PTPRD: variants seen among roughly 807,000 people sequenced by gnomAD.
The protein encoded by PTPRD is protein tyrosine phosphatase receptor type D.
PTPRD carries 34 observed loss-of-function variants against 214.5 expected under a neutral mutation model. The observed-to-expected ratio is 0.16, with a 90% CI of 0.12 to 0.21. The LOEUF is 0.21. PTPRD is among the 10% of genes least tolerant of loss of function. PTPRD has a pLI of 1.00. For missense variants in PTPRD, 2,545 were observed against 2,398.7 expected (o/e 1.06, Z -1.27); for synonymous variants, 1,128 against 845.7 (o/e 1.33, Z -5.79).
intron 12 of PTPRD, among the ~76,000 whole-genome samples, chr9:8,706,555 A>G (rs542545407): frequency 1.4e-4 from 21 of 152,216 alleles, no homozygotes; most frequent in Middle Eastern, 3.4e-3. Context: ...AGAACTTCAT[A>G]TATTTAGGAA....
intron 30 of PTPRD, among the ~76,000 whole-genome samples, chr9:8,483,496 T>C (rs2096931581): frequency 6.6e-6 from 1 of 152,216 alleles, no homozygotes; most frequent in African/African-American, 2.4e-5. Context: ...CTCATGCCTA[T>C]AATCCTAGCA....
intron 12 of PTPRD, among the ~76,000 whole-genome samples, chr9:8,715,695 C>T (rs777745104): frequency 5.3e-5 from 8 of 152,144 alleles, no homozygotes; most frequent in Non-Finnish European, 1.0e-4. Flanking sequence ...GGCCTCTTAA[C>T]AGAGAAAAAT....
intron 7 of PTPRD, among the ~76,000 whole-genome samples, chr9:9,718,006 A>C (rs542231085): frequency 1.3e-5 from 2 of 152,282 alleles, no homozygotes; most frequent in Admixed American, 1.3e-4. Context: ...AAATACCCTC[A>C]CAAAATTTCC....
intron 14 of PTPRD, among the ~76,000 whole-genome samples, chr9:8,626,098 T>C (rs369063805): frequency 2.6e-5 from 4 of 151,882 alleles, no homozygotes; most frequent in South Asian, 4.1e-4. Flanking sequence ...AAATTATGCA[T>C]GTACAACTTT....
At chr9:8,581,662 G>T (rs1489651507) in intron 14 of PTPRD, among the ~76,000 whole-genome samples, 1 of 151,990 alleles carries the variant, frequency 6.6e-6, no homozygotes, top group African/African-American at 2.4e-5. Flanking sequence ...GCAGGAGAAT[G>T]GCGTGAACCC....
chr9:8,827,977 G>C (rs2097208941), intron 11 of PTPRD, among the ~76,000 whole-genome samples: 1 of 152,028 alleles, frequency 6.6e-6, no homozygotes, highest in Non-Finnish European at 1.5e-5. Flanking sequence ...TAAACAATAA[G>C]ATAATAATAT....
chr9:8,493,099 C>A, intron 26 of PTPRD, 120 bp from the exon 27 acceptor site: 2 of 804,210 alleles, frequency 2.5e-6, no homozygotes, highest in Non-Finnish European at 4.1e-6. Context: ...CCATGCTAAG[C>A]CCTGGAAATT....
rs1182096699 is a variant in PTPRD, at chr9:9,918,732, T to C, written c.-368+19775A>G. 2.0e-5 allele frequency among the ~76,000 whole-genome samples: 3 copies of C among 152,168 alleles called. No homozygotes were observed. The East Asian group carries it at 5.8e-4, about 29-fold the overall frequency. Reference sequence around the variant, plus strand: ...AGAGACCAATAGAACCAATAGAGAATGCAGAAATTAATCCACGTATCTATA... The same window carrying C: ...AGAGACCAATAGAACCAATAGAGAACGCAGAAATTAATCCACGTATCTATA... On this transcript the variant is annotated intron_variant, in intron 5 of 45. Coordinates refer to ENST00000381196, the MANE Select transcript of PTPRD (RefSeq NM_002839.4).
intron 8 of PTPRD, among the ~76,000 whole-genome samples, chr9:9,516,379 T>G (rs1172934399): frequency 2.0e-5 from 3 of 152,056 alleles, no homozygotes; most frequent in Non-Finnish European, 4.4e-5. Flanking sequence ...AGCCTCTACG[T>G]TGTGTGAACT....
chr9:8,950,865 C>G (rs985968200), intron 11 of PTPRD, among the ~76,000 whole-genome samples: 10 of 152,008 alleles, frequency 6.6e-5, no homozygotes, highest in African/African-American at 2.4e-4. Flanking sequence ...ACCTACTCTA[C>G]TTGTTCAGAT....
At chr9:8,727,685 C>A (rs956322074) in intron 12 of PTPRD, among the ~76,000 whole-genome samples, 1 of 152,050 alleles carries the variant, frequency 6.6e-6, no homozygotes, top group Non-Finnish European at 1.5e-5. Flanking sequence ...GAGACAGAGT[C>A]TCTCTCTGTC....
chr9:9,552,218 A>C (rs1436963929), intron 8 of PTPRD, among the ~76,000 whole-genome samples: 1 of 152,062 alleles, frequency 6.6e-6, no homozygotes, highest in African/African-American at 2.4e-5. Flanking sequence ...TGCCATTTCC[A>C]TTATTCCACG....
chr9:9,579,652 G>A (rs1472187168), intron 7 of PTPRD, among the ~76,000 whole-genome samples: 2 of 152,020 alleles, frequency 1.3e-5, no homozygotes, highest in Admixed American at 6.6e-5. Flanking sequence ...AGCTACAGTT[G>A]AGTTTTAAGC....
intron 23 of PTPRD, among the ~76,000 whole-genome samples, chr9:8,502,996 C>A (rs2097447103): frequency 6.6e-6 from 1 of 151,874 alleles, no homozygotes; most frequent in South Asian, 2.1e-4. Flanking sequence ...TATTAGCCTG[C>A]CTGGAATTCA....
intron 7 of PTPRD, among the ~76,000 whole-genome samples, chr9:9,647,478 A>C (rs1279013042): frequency 6.6e-6 from 1 of 152,130 alleles, no homozygotes; most frequent in Non-Finnish European, 1.5e-5. Context: ...TTAAATATGC[A>C]TTTCTCCCAA....
intron 8 of PTPRD, among the ~76,000 whole-genome samples, chr9:9,558,714 T>C (rs1043092205): frequency 2.0e-5 from 3 of 152,218 alleles, no homozygotes; most frequent in African/African-American, 7.2e-5. Flanking sequence ...CTACTCCGTT[T>C]ACACCTGGTT....
chr9:9,562,849 C>T (rs1232361547), intron 8 of PTPRD, among the ~76,000 whole-genome samples: 1 of 152,028 alleles, frequency 6.6e-6, no homozygotes, highest in African/African-American at 2.4e-5. Flanking sequence ...AATACATAAC[C>T]TTTAAATATG....
chr9:8,962,430 T>A (rs1445222515), intron 11 of PTPRD, among the ~76,000 whole-genome samples: 5 of 151,910 alleles, frequency 3.3e-5, no homozygotes, highest in African/African-American at 9.7e-5. Context: ...GATTGGAAGG[T>A]GGGAAGATGG....
intron 10 of PTPRD, among the ~76,000 whole-genome samples, chr9:9,092,615 G>C (rs1009103407): frequency 3.3e-5 from 5 of 151,944 alleles, no homozygotes; most frequent in African/African-American, 4.8e-5. Flanking sequence ...ACATGAAAAA[G>C]TTATGACTTG....
Sources: allele counts gnomAD v4.1 joint callset (sites outside exome capture counted in the v4.1 genomes callset), GRCh38; gene constraint gnomAD v4.1.1; transcripts MANE v1.5; gene names NCBI Gene and HGNC (gene_info 2026-07-23, HGNC 2026-07-21).